The following SMURF2 variants were observed in gnomAD, a reference collection of about 807,000 sequenced individuals.
The protein encoded by SMURF2 is E3 ubiquitin-protein ligase SMURF2.
In SMURF2, 48 loss-of-function variants were observed where a neutral mutation model predicts 109.6. That is an observed-to-expected ratio of 0.44 (90% CI 0.35 to 0.56). The LOEUF is 0.56. Ranked by LOEUF, SMURF2 falls within the 20% of genes least tolerant of loss-of-function variation. The pLI, the probability that SMURF2 is intolerant of heterozygous loss-of-function variation, is 0.01. For missense variants in SMURF2, 575 were observed against 909.0 expected (o/e 0.63, Z 4.72); for synonymous variants, 288 against 317.1 (o/e 0.91, Z 0.97).
chr17:64,584,204 G>A (rs1313774716), intron 6 of SMURF2, among the ~76,000 whole-genome samples: 1 of 150,698 alleles, frequency 6.6e-6, no homozygotes, highest in Admixed American at 6.6e-5. Context: ...TGTAATCCCA[G>A]CTACTCGGGA....
chr17:64,605,757 A>ATG (rs1263349017), intron 2 of SMURF2, among the ~76,000 whole-genome samples: 1 of 140,340 alleles, frequency 7.1e-6, no homozygotes, highest in Non-Finnish European at 1.5e-5. Context: ...ATATATATAT[A>ATG]TATATATATA....
rs1555684128 is a variant in SMURF2, at chr17:64,557,591, A to G, written c.1431+17T>C. On this transcript the variant is annotated intron_variant, in intron 13 of 18. Coordinates refer to ENST00000262435, the MANE Select transcript of SMURF2 (RefSeq NM_022739.4). ...AGCATTATTGGTCACAATTCACATCATAACTTCAAATCATACCGGATTAAC... is the reference window on the plus strand; with the variant it reads ...AGCATTATTGGTCACAATTCACATCGTAACTTCAAATCATACCGGATTAAC... 2.8e-6 allele frequency: 4 copies of G among 1,440,722 alleles called. No homozygotes were observed. Among genetic ancestry groups the G allele is most frequent in the South Asian group, 2.3e-5 (2 of 86,000 alleles). The allele number at this position is 1,440,722 out of a possible 1,614,324, so 89.2% of individuals were successfully genotyped here. A position where few individuals can be genotyped will look rare whatever the true frequency, so the allele number is the denominator to read the frequency against.
intron 1 of SMURF2, among the ~76,000 whole-genome samples, chr17:64,644,521 G>A (rs1367930494): frequency 1.3e-5 from 2 of 150,838 alleles, no homozygotes; most frequent in Admixed American, 6.6e-5. Context: ...GCTTGAGCCT[G>A]GGTGGTCCAG....
chr17:64,656,357 T>C (rs1970705142), intron 1 of SMURF2, among the ~76,000 whole-genome samples: 1 of 152,200 alleles, frequency 6.6e-6, no homozygotes, highest in African/African-American at 2.4e-5. Context: ...ACTAAGGCTC[T>C]AACATAACTA....
chr17:64,619,766 C>T (rs1199246811), intron 1 of SMURF2, among the ~76,000 whole-genome samples: 2 of 152,006 alleles, frequency 1.3e-5, no homozygotes, highest in Non-Finnish European at 2.9e-5. Flanking sequence ...ATGAAGGCTC[C>T]ACCCTCATGA....
chr17:64,638,189 C>G (rs1555692284), intron 1 of SMURF2, among the ~76,000 whole-genome samples: 1 of 151,868 alleles, frequency 6.6e-6, no homozygotes, highest in African/African-American at 2.4e-5. Flanking sequence ...CCTCAGCCTC[C>G]CAAGTAGCTA....
intron 1 of SMURF2, among the ~76,000 whole-genome samples, chr17:64,617,158 G>A (rs1970137843): frequency 6.6e-6 from 1 of 150,702 alleles, no homozygotes; most frequent in Non-Finnish European, 1.5e-5. Context: ...TTGAAAACTA[G>A]GTTACAGAAG....
rs202220885 is a variant in SMURF2 at position 64,569,560 on chromosome 17, A to G, written c.1016+2238T>C. ...TGAACAGGACCTTCACAAAAACAGG[A>G]AATCCAAATAGTCAATAAACCTATA... On this transcript the variant is annotated intron_variant, in intron 10 of 18. Coordinates refer to ENST00000262435, the MANE Select transcript of SMURF2 (RefSeq NM_022739.4). 2.0e-4 allele frequency among the ~76,000 whole-genome samples: 30 copies of G among 152,322 alleles called. No homozygotes were observed. In the East Asian group the frequency reaches 5.8e-3, roughly 29 times the overall value.
At chr17:64,598,340 T>C in intron 3 of SMURF2, 42 bp downstream of exon 3, 1 of 1,419,656 alleles carries the variant, frequency 7.0e-7, no homozygotes, top group South Asian at 1.3e-5. Context: ...TATCAAATAA[T>C]TTAATGATAT....
chr17:64,601,456 A>AT (rs1386349967), intron 2 of SMURF2, among the ~76,000 whole-genome samples: 2 of 152,224 alleles, frequency 1.3e-5, no homozygotes, highest in African/African-American at 4.8e-5. Context: ...AATGCTCAGC[A>AT]TCACTAAGTA....
intron 14 of SMURF2, 37 bp downstream of exon 14, chr17:64,555,783 G>A: frequency 1.4e-6 from 2 of 1,393,928 alleles, no homozygotes; most frequent in Non-Finnish European, 1.9e-6. Flanking sequence ...TTAAAGCTCA[G>A]AGTTTATAAT....
chr17:64,646,799 A>G (rs112992916), intron 1 of SMURF2, among the ~76,000 whole-genome samples: 237 of 152,292 alleles, frequency 1.6e-3, no homozygotes, highest in Non-Finnish European at 2.6e-3. Context: ...CATTGATATC[A>G]CTGCCTTCTC....
chr17:64,590,244 C>T (rs1220974745), intron 5 of SMURF2, among the ~76,000 whole-genome samples: 9 of 150,714 alleles, frequency 6.0e-5, no homozygotes, highest in East Asian at 1.9e-4. Context: ...TGGGTTCAAG[C>T]GATTCTCCTG....
intron 1 of SMURF2, among the ~76,000 whole-genome samples, chr17:64,636,090 G>T (rs1555692041): frequency 1.3e-5 from 2 of 151,986 alleles, no homozygotes; most frequent in Non-Finnish European, 2.9e-5. Context: ...ATCTTTTCAT[G>T]TGCTTTTTGG....
intron 5 of SMURF2, among the ~76,000 whole-genome samples, chr17:64,589,518 T>C (rs565201626): frequency 2.0e-5 from 3 of 152,008 alleles, no homozygotes; most frequent in South Asian, 2.1e-4. Context: ...CAGGGTCTGT[T>C]AGGAACCCGG....
chr17:64,602,718 C>A (rs1555688687), intron 2 of SMURF2, among the ~76,000 whole-genome samples: 1 of 152,008 alleles, frequency 6.6e-6, no homozygotes, highest in African/African-American at 2.4e-5. Context: ...CACGAGGTCA[C>A]GAGTTCAAGA....
chr17:64,557,347 C>T (rs142117195), intron 13 of SMURF2, among the ~76,000 whole-genome samples: 2,042 of 152,284 alleles, frequency 0.013, 14 homozygotes, highest in Non-Finnish European at 0.02. Flanking sequence ...TGCTTCATGT[C>T]ATAATTTAAT....
At chr17:64,577,578 T>TAAAA in intron 9 of SMURF2, among the ~76,000 whole-genome samples, 1 of 131,120 alleles carries the variant, frequency 7.6e-6, no homozygotes, top group South Asian at 2.3e-4. Context: ...AATAAATAAA[T>TAAAA]AAAACACTAA....
intron 1 of SMURF2, among the ~76,000 whole-genome samples, chr17:64,624,503 CAAAAAAA>C (rs539075649): frequency 9.0e-4 from 47 of 52,472 alleles, no homozygotes; most frequent in African/African-American, 2.7e-3. Context: ...CAGGCCTCTA[CAAAAAAA>C]AAAAAAAAAA....
Sources: allele counts gnomAD v4.1 joint callset (sites outside exome capture counted in the v4.1 genomes callset), GRCh38; gene constraint gnomAD v4.1.1; transcripts MANE v1.5; gene names NCBI Gene and HGNC (gene_info 2026-07-23, HGNC 2026-07-21).